Variants in PARD3B observed in about 807,000 individuals in gnomAD.
PARD3B encodes par-3 family cell polarity regulator beta.
In PARD3B, 103 loss-of-function variants were observed where a neutral mutation model predicts 130.2. The ratio of observed to expected loss-of-function variants is 0.79; its 90% CI spans 0.67 to 0.93. PARD3B has a LOEUF of 0.93. Among genes scored for constraint, PARD3B ranks in the 40% least tolerant of loss-of-function variants. The probability of loss-of-function intolerance (pLI) is 0.00; values close to 1 mark genes in which losing one functional copy is unlikely to be tolerated. For missense variants in PARD3B, 1,609 were observed against 1,499.2 expected, an observed-to-expected ratio of 1.07 and a Z score of -1.21; for synonymous variants, 583 against 553.2, an observed-to-expected ratio of 1.05 and a Z score of -0.76.
chr2:204,597,147 G>A (rs1016080281), intron 1 of PARD3B, among the ~76,000 whole-genome samples: 2 of 151,872 alleles, frequency 1.3e-5, no homozygotes, highest in African/African-American at 4.8e-5. Flanking sequence ...TGATTTTTGC[G>A]GTGCCCATGA....
chr2:205,242,101 A>C (rs2039378186), intron 15 of PARD3B, among the ~76,000 whole-genome samples: 1 of 152,318 alleles, frequency 6.6e-6, no homozygotes, highest in African/African-American at 2.4e-5. Context: ...AAGTCATTAT[A>C]GTTCCCTCTC....
In PARD3B at chr2:205,584,253, G is replaced by T. The variant is rs887349757; in HGVS notation, c.3260+30850G>T. ...CCAAGACTTAATGCCAAAAGCAAAA[G>T]AATATTAAATATAAATTATTTTTAT... On this transcript the variant is annotated intron_variant, in intron 22 of 22. Transcript: ENST00000406610. This position sits in a 1 kb window ranked among gnomAD's most constrained non-coding sequence, Gnocchi z 5.5. Among the ~76,000 whole-genome samples the T allele has an allele frequency of 9.9e-5, 15 of 152,088 alleles. No individual in the cohort carries two copies. The highest frequency in any genetic ancestry group is 3.1e-4 in the African/African-American group (13 of 41,404).
intron 22 of PARD3B, among the ~76,000 whole-genome samples, chr2:205,588,243 T>G (rs571986366): frequency 3.3e-5 from 5 of 152,358 alleles, no homozygotes; most frequent in Admixed American, 2.6e-4. Flanking sequence ...TTTTTAGTAC[T>G]TTGTATTTTT....
intron 19 of PARD3B, among the ~76,000 whole-genome samples, chr2:205,428,671 G>A (rs1416123780): frequency 6.6e-6 from 1 of 152,038 alleles, no homozygotes; most frequent in Non-Finnish European, 1.5e-5. Flanking sequence ...TTATATCAGT[G>A]TTAAGAATCA....
At chr2:205,131,342 A>G (rs547155355) in intron 10 of PARD3B, among the ~76,000 whole-genome samples, 1 of 152,322 alleles carries the variant, frequency 6.6e-6, no homozygotes, top group African/African-American at 2.4e-5. Context: ...TCCAAGTAAC[A>G]CAGTTCATGT....
intron 21 of PARD3B, among the ~76,000 whole-genome samples, chr2:205,545,047 T>C (rs1341812661): frequency 6.6e-6 from 1 of 152,246 alleles, no homozygotes; most frequent in African/African-American, 2.4e-5. Flanking sequence ...TTTCACAAAA[T>C]TACTGAAATC....
At chr2:205,331,053 T>G (rs905177785) in intron 18 of PARD3B, among the ~76,000 whole-genome samples, 3 of 152,050 alleles carry the variant, frequency 2.0e-5, no homozygotes, top group Non-Finnish European at 4.4e-5. Flanking sequence ...TGATATTGCT[T>G]TAGTGTTGGC....
intron 1 of PARD3B, among the ~76,000 whole-genome samples, chr2:204,603,737 AT>A (rs1426366222): frequency 6.6e-6 from 1 of 152,180 alleles, no homozygotes; most frequent in Non-Finnish European, 1.5e-5. Flanking sequence ...CACAAAAAGA[AT>A]ATGAAACTAG....
At chr2:205,248,054 G>A (rs575439904) in intron 16 of PARD3B, among the ~76,000 whole-genome samples, 17 of 152,092 alleles carry the variant, frequency 1.1e-4, no homozygotes, top group African/African-American at 3.1e-4. Context: ...TCAGCCTCCC[G>A]GATAGCTGGG....
At chr2:205,404,280 AT>A (rs2046348233) in intron 19 of PARD3B, among the ~76,000 whole-genome samples, 1 of 152,248 alleles carries the variant, frequency 6.6e-6, no homozygotes, top group African/African-American at 2.4e-5. Context: ...AGCTATGCAA[AT>A]GAAGTGATGT....
rs939427750 is a variant in PARD3B at position 204,755,292 on chromosome 2, C to G, written c.222+69010C>G. On this transcript the variant is annotated intron_variant, in intron 2 of 22. Transcript: ENST00000406610. ...TTTGATTGGACTGATGATCTACTGA[C>G]CCCCTAGTCACCTGTTAGGAAACTG... is the stretch of plus-strand genomic sequence containing the variant. Among the ~76,000 whole-genome samples the G allele has an allele frequency of 3.3e-5, 5 of 152,182 alleles. No homozygotes were observed. In the South Asian group the frequency reaches 1.0e-3, roughly 32 times the overall value.
intron 15 of PARD3B, among the ~76,000 whole-genome samples, chr2:205,201,871 T>C (rs1358849627): frequency 6.6e-6 from 1 of 152,178 alleles, no homozygotes; most frequent in African/African-American, 2.4e-5. Context: ...TTATAATGTA[T>C]ATAGTTATAT....
Position 204,591,286 on chromosome 2 carries a change from G to A in PARD3B, c.120+45167G>A, listed in dbSNP as rs531020709. Among the ~76,000 whole-genome samples the A allele has an allele frequency of 1.6e-3, 246 of 152,262 alleles. 2 individuals are homozygous for A. Among genetic ancestry groups the A allele is most frequent in the African/African-American group, 5.8e-3 (240 of 41,568 alleles). On this transcript the variant is annotated intron_variant, in intron 1 of 22. Transcript: ENST00000406610. ...AGAGAGGAGCTGATTGTCTTTTATT[G>A]TGGGGCTGACAGAATGTTTATTAAT... is the stretch of plus-strand genomic sequence containing the variant.
chr2:204,841,069 C>T (rs1057429945), intron 2 of PARD3B, among the ~76,000 whole-genome samples: 3 of 152,154 alleles, frequency 2.0e-5, no homozygotes. Context: ...GTCACCTTTG[C>T]TCATGAAGAG....
chr2:205,525,750 G>T lies in PARD3B; in HGVS notation c.3180+25719G>T, dbSNP rs767164984. On this transcript the variant is annotated intron_variant, in intron 21 of 22. Coordinates refer to ENST00000406610, the MANE Select transcript of PARD3B (RefSeq NM_001302769.2). This position sits in a 1 kb window ranked among gnomAD's most constrained non-coding sequence, Gnocchi z 4.2. The stretch of plus-strand genomic sequence containing the variant: ...ACTAATACTCACCCTTCATTTTGGT[G>T]ACAAGTCCAGCTCAATGAGAATCTC... Among the ~76,000 whole-genome samples, 8 of 152,104 alleles carry T rather than the reference G, an allele frequency of 5.3e-5. No homozygotes were observed. Among genetic ancestry groups the T allele is most frequent in the Non-Finnish European group, 8.8e-5 (6 of 68,016 alleles).
At chr2:205,184,022 C>T (rs984017354) in intron 13 of PARD3B, among the ~76,000 whole-genome samples, 2 of 152,124 alleles carry the variant, frequency 1.3e-5, no homozygotes, top group Non-Finnish European at 2.9e-5. Flanking sequence ...ATGTCAAAGT[C>T]ACTCAGTCGG....
intron 10 of PARD3B, among the ~76,000 whole-genome samples, chr2:205,136,476 A>G (rs75581512): frequency 0.046 from 7,080 of 152,328 alleles, 235 homozygotes; most frequent in Middle Eastern, 0.15. Context: ...TGCCTATGCT[A>G]TGCATTCGTC....
chr2:205,224,385 A>AG (rs2038419785), intron 15 of PARD3B, among the ~76,000 whole-genome samples: 1 of 147,496 alleles, frequency 6.8e-6, no homozygotes, highest in Non-Finnish European at 1.5e-5. Context: ...AAAAAAAAAA[A>AG]AAAGAAAGAA....
rs1243471042 is a variant in PARD3B, at chr2:205,125,442, G to A, written c.1306-167G>A. 6.6e-6 allele frequency among the ~76,000 whole-genome samples: 1 copy of A among 152,186 alleles called. No homozygotes were observed. Among genetic ancestry groups the A allele is most frequent in the Non-Finnish European group, 1.5e-5 (1 of 68,036 alleles). ...TGAGTTCATCCAGCATCATGATGAT[G>A]CATTATGGGAAATATTGTTGGGTTT... On this transcript the variant is annotated intron_variant, in intron 9 of 22. Coordinates refer to ENST00000406610, the MANE Select transcript of PARD3B (RefSeq NM_001302769.2). This position sits in a 1 kb window ranked among gnomAD's most constrained non-coding sequence, Gnocchi z 4.0.
Sources: allele counts gnomAD v4.1 joint callset (sites outside exome capture counted in the v4.1 genomes callset), GRCh38; gene constraint gnomAD v4.1.1; non-coding constraint Gnocchi (gnomAD v3.1); transcripts MANE v1.5; gene names NCBI Gene and HGNC (gene_info 2026-07-23, HGNC 2026-07-21).